The following MTUS2 variants were observed in gnomAD, a reference collection of about 807,000 sequenced individuals.
The protein encoded by MTUS2 is microtubule associated scaffold protein 2.
Under a neutral mutation model 114.1 loss-of-function variants are expected in MTUS2, and 40 were observed. That is an observed-to-expected ratio of 0.35 (90% CI 0.27 to 0.46). MTUS2 has a LOEUF of 0.46. MTUS2 is among the 20% of genes least tolerant of loss of function. The probability of loss-of-function intolerance (pLI) is 1.00; values close to 1 mark genes in which losing one functional copy is unlikely to be tolerated. For synonymous variants in MTUS2, 688 were observed against 672.0 expected, an observed-to-expected ratio of 1.02 and a Z score of -0.37; for missense variants, 1,679 against 1,705.4, an observed-to-expected ratio of 0.98 and a Z score of 0.27.
At chr13:29,018,164 T>G (rs1886144842) in intron 2 of MTUS2, among the ~76,000 whole-genome samples, 1 of 152,170 alleles carries the variant, frequency 6.6e-6, no homozygotes, top group Admixed American at 6.5e-5. Flanking sequence ...GGTAGGAGGA[T>G]GATTTTACAG....
chr13:29,110,035 G>T (rs1890823132), intron 5 of MTUS2, among the ~76,000 whole-genome samples: 1 of 152,192 alleles, frequency 6.6e-6, no homozygotes, highest in South Asian at 2.1e-4. Context: ...ACTTGTGGTG[G>T]TTTGGACATT....
chr13:29,019,621 G>C (rs931334839), intron 2 of MTUS2, among the ~76,000 whole-genome samples: 2 of 152,154 alleles, frequency 1.3e-5, no homozygotes, highest in Non-Finnish European at 2.9e-5. Flanking sequence ...TGGAGTTTAG[G>C]ACAACTTATA....
intron 7 of MTUS2, among the ~76,000 whole-genome samples, chr13:29,351,748 G>A (rs1410449784): frequency 3.3e-5 from 5 of 151,154 alleles, no homozygotes; most frequent in Admixed American, 6.6e-5. Context: ...GACTATAGGC[G>A]TGTACCACCA....
At chr13:28,926,226 G>GTACTTT (rs1881319852) in intron 2 of MTUS2, among the ~76,000 whole-genome samples, 1 of 152,094 alleles carries the variant, frequency 6.6e-6, no homozygotes. Flanking sequence ...CATTTGTGTT[G>GTACTTT]GGTAATTTTG....
chr13:29,239,180 T>G (rs1896643009), intron 5 of MTUS2, among the ~76,000 whole-genome samples: 2 of 152,218 alleles, frequency 1.3e-5, no homozygotes, highest in Non-Finnish European at 2.9e-5. Flanking sequence ...TTACATTATT[T>G]CATAATGTAT....
intron 2 of MTUS2, among the ~76,000 whole-genome samples, chr13:28,965,381 T>A (rs768922551): frequency 6.6e-6 from 1 of 152,180 alleles, no homozygotes; most frequent in African/African-American, 2.4e-5. Flanking sequence ...TTTCTGGCAT[T>A]TCTCATTCCT....
At chr13:28,918,070 G>A (rs1309642856) in intron 2 of MTUS2, among the ~76,000 whole-genome samples, 3 of 151,640 alleles carry the variant, frequency 2.0e-5, no homozygotes, top group Non-Finnish European at 4.4e-5. Flanking sequence ...TTCGAACGCT[G>A]TAAGACTTGT....
At chr13:29,162,538 C>G (rs1208823100) in intron 5 of MTUS2, among the ~76,000 whole-genome samples, 1 of 152,132 alleles carries the variant, frequency 6.6e-6, no homozygotes, top group Admixed American at 6.5e-5. Context: ...GTGGACATGT[C>G]AACTTCTTTG....
intron 6 of MTUS2, 63 bp from the exon 7 acceptor site, chr13:29,324,550 T>C (rs138370675): frequency 2.5e-5 from 31 of 1,234,982 alleles, no homozygotes; most frequent in African/African-American, 4.5e-5. Flanking sequence ...CCACAACTTA[T>C]GTTGCCATTT....
At chr13:28,965,669 A>T (rs1015068297) in intron 2 of MTUS2, among the ~76,000 whole-genome samples, 2 of 152,134 alleles carry the variant, frequency 1.3e-5, no homozygotes, top group African/African-American at 4.8e-5. Flanking sequence ...TTGGCTCATC[A>T]ACTGTAGGAA....
At chr13:29,484,880 G>C (rs1881481777) in intron 10 of MTUS2, 1 of 152,260 alleles carries the variant, frequency 6.6e-6, no homozygotes, top group African/African-American at 2.4e-5. Context: ...TGTCTGAGAG[G>C]GTGGTCTTCC....
intron 5 of MTUS2, among the ~76,000 whole-genome samples, chr13:29,171,752 T>C (rs1033023650): frequency 2.0e-5 from 3 of 152,354 alleles, no homozygotes; most frequent in Admixed American, 2.0e-4. Flanking sequence ...CCTTCTATTA[T>C]ATTTCTCTAC....
intron 8 of MTUS2, among the ~76,000 whole-genome samples, chr13:29,365,445 A>G (rs1200218893): frequency 6.6e-6 from 1 of 151,840 alleles, no homozygotes; most frequent in Non-Finnish European, 1.5e-5. Flanking sequence ...CCAAGGTGAA[A>G]ACTAATTGCC....
intron 5 of MTUS2, among the ~76,000 whole-genome samples, chr13:29,154,564 C>T (rs769506822): frequency 1.3e-5 from 2 of 152,180 alleles, no homozygotes; most frequent in South Asian, 4.1e-4. Flanking sequence ...AATGGGATTT[C>T]GGCACAGCTA....
At chr13:29,151,644 C>T (rs1488109648) in intron 5 of MTUS2, among the ~76,000 whole-genome samples, 1 of 152,098 alleles carries the variant, frequency 6.6e-6, no homozygotes, top group Non-Finnish European at 1.5e-5. Context: ...CAGCTTTTAT[C>T]TATTCAGTGT....
intron 8 of MTUS2, among the ~76,000 whole-genome samples, chr13:29,387,157 C>T (rs1593381972): frequency 6.6e-6 from 1 of 152,194 alleles, no homozygotes; most frequent in Non-Finnish European, 1.5e-5. Context: ...CAGAACTTTA[C>T]AGACGTGTCA....
chr13:29,504,674 T>TA lies in MTUS2; in HGVS notation c.*1469dup, dbSNP rs1883117140. The TA allele has an allele frequency of 4.3e-6, 1 of 233,130 alleles. No homozygotes were observed. Among genetic ancestry groups the TA allele is most frequent in the South Asian group, 1.8e-4 (1 of 5,526 alleles). The allele number at this position is 233,130 out of a possible 1,614,324, so 14.4% of individuals were successfully genotyped here. On this transcript the variant is annotated 3_prime_UTR_variant, in exon 16 of 16. Transcript: ENST00000612955. ...GTGGTGTGGAAGATTAGGAGCATGA[T>TA]ACACAAAAGGAAGAAGTAGTTTTAA...
At chr13:29,243,700 G>A (rs1896810098) in intron 5 of MTUS2, among the ~76,000 whole-genome samples, 2 of 152,160 alleles carry the variant, frequency 1.3e-5, no homozygotes, top group Admixed American at 1.3e-4. Flanking sequence ...AGAGAGTAAG[G>A]AAACAATTCA....
rs74042052 is a variant in MTUS2 at position 29,409,972 on chromosome 13, A to T, written c.3118-30011A>T. Among the ~76,000 whole-genome samples, 741 of 152,256 alleles carry T rather than the reference A, an allele frequency of 4.9e-3. 7 individuals carry two copies. Among genetic ancestry groups the T allele is most frequent in the African/African-American group, 0.017 (707 of 41,554 alleles). ...ATATATCCTCAGGGTAAAATCCTAG[A>T]TGTACAATTTCTAGATTAAAAAGAA... On this transcript the variant is annotated intron_variant, in intron 8 of 15. Transcript: ENST00000612955.
Sources: allele counts gnomAD v4.1 joint callset (sites outside exome capture counted in the v4.1 genomes callset), GRCh38; gene constraint gnomAD v4.1.1; transcripts MANE v1.5; gene names NCBI Gene and HGNC (gene_info 2026-07-23, HGNC 2026-07-21).